ERF: variants seen among roughly 807,000 people sequenced by gnomAD.
ERF encodes ETS2 repressor factor.
ERF carries 10 observed loss-of-function variants against 41.6 expected under a neutral mutation model. That is an observed-to-expected ratio of 0.24 (90% CI 0.15 to 0.41). The LOEUF (loss-of-function observed/expected upper bound fraction) is 0.41, where lower values mean the gene tolerates loss of function less well. ERF is among the 10% of genes least tolerant of loss of function. ERF has a pLI of 1.00. For missense variants in ERF, 621 were observed against 763.2 expected (o/e 0.81, Z 2.19); for synonymous variants, 395 against 342.4 (o/e 1.15, Z -1.70).
intron 1 of ERF, chr19:42,254,659 C>G (rs996826487): frequency 7.8e-6 from 2 of 255,152 alleles, no homozygotes; most frequent in South Asian, 8.7e-5. Flanking sequence ...CAGAGTGCAA[C>G]GTGACAAGAG....
intron 1 of ERF, among the ~76,000 whole-genome samples, chr19:42,253,366 G>A (rs1438575936): frequency 6.6e-6 from 1 of 152,160 alleles, no homozygotes; most frequent in Non-Finnish European, 1.5e-5. Flanking sequence ...CCAGGAGGCA[G>A]ACGGGAAAGA....
chr19:42,253,857 C>T, intron 1 of ERF: 1 of 1,064,658 alleles, frequency 9.4e-7, no homozygotes, highest in Non-Finnish European at 1.1e-6. Context: ...CACAGGAGCC[C>T]GAGCCGCCGC....
At chr19:42,252,734 G>T (rs907924013) in intron 1 of ERF, among the ~76,000 whole-genome samples, 1 of 152,142 alleles carries the variant, frequency 6.6e-6, no homozygotes, top group Non-Finnish European at 1.5e-5. Flanking sequence ...CTTTGGGGGG[G>T]GGAGAATGAA....
At position 42,255,057 on chromosome 19, in the gene ERF, C is replaced by T; in HGVS notation, c.-58G>A. On this transcript the variant is annotated 5_prime_UTR_variant, in exon 1 of 4. Coordinates refer to ENST00000222329, the MANE Select transcript of ERF (RefSeq NM_006494.4). ...CGGGCCGCGGCTCCCGGCGCCCTCG[C>T]TGCCCCGTCCCGTCCCGCGCCCGTC... is the stretch of plus-strand genomic sequence containing the variant. 1 of 1,294,524 alleles carries T rather than the reference C, an allele frequency of 7.7e-7. No individual in the cohort carries two copies. Among genetic ancestry groups the T allele is most frequent in the Non-Finnish European group, 9.8e-7 (1 of 1,018,424 alleles). The allele number at this position is 1,294,524 out of a possible 1,614,324, so 80.2% of individuals were successfully genotyped here.
At chr19:42,254,801 G>A (rs901998594) in intron 1 of ERF, among the ~76,000 whole-genome samples, 177 bp downstream of exon 1, 2 of 152,188 alleles carry the variant, frequency 1.3e-5, no homozygotes, top group African/African-American at 2.4e-5. Context: ...GGAATCGGGG[G>A]TCCCAGGCAG....
At position 42,249,009 on chromosome 19, in the gene ERF, G is replaced by A; in HGVS notation, c.1103C>T (p.Ser368Phe). ...PPVPSSASSS[S>F]SSSSSPFKFK... ...CTTGAATGGGGAGGAAGAAGAAGAAGAGGATGACGAGGCCGAGGAGGGGAC... is the reference window on the plus strand; with the variant it reads ...CTTGAATGGGGAGGAAGAAGAAGAAAAGGATGACGAGGCCGAGGAGGGGAC... The change falls in exon 4 of 4, where the codon TCT (serine) becomes TTT (phenylalanine). Residue 368 changes from serine to phenylalanine, a missense_variant. Ser to Phe is a radical substitution (Grantham distance 155). Coordinates refer to ENST00000222329, the MANE Select transcript of ERF (RefSeq NM_006494.4). This position sits in a 1 kb window ranked among gnomAD's most constrained non-coding sequence, Gnocchi z 8.6. The A allele has an allele frequency of 6.2e-7, 1 of 1,609,942 alleles. No individual in the cohort carries two copies. Among genetic ancestry groups the A allele is most frequent in the East Asian group, 2.2e-5 (1 of 44,828 alleles).
In ERF at chr19:42,249,030, G is replaced by C; in HGVS notation, c.1082C>G (p.Pro361Arg). The stretch of plus-strand genomic sequence containing the variant: ...AGAAGAGGATGACGAGGCCGAGGAG[G>C]GGACCGGTGGGGTCTCGGGTGCCAT... Reference protein sequence around the residue: ...PPMAPETPPVPSSASSSSSSS... With the variant: ...PPMAPETPPVRSSASSSSSSS... The change falls in exon 4 of 4, where the codon CCC (proline) becomes CGC (arginine). Residue 361 changes from proline (P) to arginine (R), a missense_variant. Pro to Arg is a moderately radical substitution (Grantham distance 103, BLOSUM62 -2). Transcript: ENST00000222329. This position sits in a 1 kb window ranked among gnomAD's most constrained non-coding sequence, Gnocchi z 8.6. 1 of 1,611,296 alleles carries C rather than the reference G, an allele frequency of 6.2e-7. No homozygotes were observed. Among genetic ancestry groups the C allele is most frequent in the Non-Finnish European group, 8.5e-7 (1 of 1,178,610 alleles).
chr19:42,247,570 C>G lies in ERF; in HGVS notation c.*895G>C, dbSNP rs1370613745. 3.3e-5 allele frequency: 5 copies of G among 152,734 alleles called. No homozygotes were observed. Among genetic ancestry groups the G allele is most frequent in the African/African-American group, 1.2e-4 (5 of 41,452 alleles). The allele number at this position is 152,734 out of a possible 1,614,324, so 9.5% of individuals were successfully genotyped here. A position where few individuals can be genotyped will look rare whatever the true frequency, so the allele number is the denominator to read the frequency against. ...GCACCTAGGACATTGATCACTGCAT[C>G]CAAAGGTCCAAAGTTTTATTGTTTT... On this transcript the variant is annotated 3_prime_UTR_variant, in exon 4 of 4. Coordinates refer to ENST00000222329, the MANE Select transcript of ERF (RefSeq NM_006494.4).
intron 1 of ERF, chr19:42,253,772 A>C: frequency 5.0e-6 from 3 of 605,300 alleles, no homozygotes; most frequent in African/African-American, 2.4e-5. Context: ...GAGCAGGGGG[A>C]TGGGGATGGG....
intron 1 of ERF, among the ~76,000 whole-genome samples, chr19:42,252,959 G>C (rs917035437): frequency 6.6e-6 from 1 of 152,192 alleles, no homozygotes; most frequent in Non-Finnish European, 1.5e-5. Flanking sequence ...GGCACATGGA[G>C]AGAGGGGTTC....
chr19:42,251,642 G>T, intron 1 of ERF, among the ~76,000 whole-genome samples: 1 of 152,058 alleles, frequency 6.6e-6, no homozygotes, highest in East Asian at 1.9e-4. Flanking sequence ...AAAGATGGGC[G>T]GCTCCCAAAT....
chr19:42,254,070 G>A (rs1369433595), intron 1 of ERF, among the ~76,000 whole-genome samples: 1 of 150,150 alleles, frequency 6.7e-6, no homozygotes, highest in East Asian at 2.0e-4. Context: ...AGGGGGAAAA[G>A]TCCGAGTGGG....
chr19:42,254,907 C>T (rs563628338), intron 1 of ERF, 71 bp downstream of exon 1: 6 of 1,480,666 alleles, frequency 4.1e-6, no homozygotes, highest in Middle Eastern at 1.8e-4. Context: ...CCCCTTCAGC[C>T]CCCCCAAAGT....
chr19:42,249,323 C>A lies in ERF; in HGVS notation c.789G>T (p.Gln263His). 6.3e-7 allele frequency: 1 copy of A among 1,589,176 alleles called. No individual in the cohort carries two copies. The highest frequency in any genetic ancestry group is 8.6e-7 in the Non-Finnish European group (1 of 1,167,976). Residue 263 changes from glutamine to histidine, a missense_variant, in exon 4 of 4, where the codon CAG (glutamine) becomes CAT (histidine). Transcript: ENST00000222329. This position sits in a 1 kb window ranked among gnomAD's most constrained non-coding sequence, Gnocchi z 8.6. ...LAGPGSLLPPQLSPALPMTPT... is the reference protein window; with the variant it reads ...LAGPGSLLPPHLSPALPMTPT... ...GCGTCATGGGCAGAGCCGGGGAGAG[C>A]TGAGGGGGCAGCAGGGATCCAGGAC...
intron 1 of ERF, chr19:42,251,117 G>C: frequency 1.5e-6 from 1 of 665,474 alleles, no homozygotes; most frequent in Non-Finnish European, 1.9e-6. Flanking sequence ...GGGGTGACTC[G>C]GTTGCCGATG....
chr19:42,249,228 C>A lies in ERF; in HGVS notation c.884G>T (p.Ser295Ile), dbSNP rs779675809. The A allele has an allele frequency of 1.9e-6, 3 of 1,613,024 alleles. No individual in the cohort carries two copies. The African/African-American group carries it at 4.0e-5, about 22-fold the overall frequency. The change falls in exon 4 of 4, where the codon AGC becomes ATC. Residue 295 changes from serine (S) to isoleucine (I), a missense_variant. Transcript: ENST00000222329. The surrounding 1 kb of genome is among the most constrained non-coding windows in gnomAD (Gnocchi z 8.6). ...GAAGTGGGAGCCTCCCCCTGAGCCG[C>A]TGGGCCCCCCGCCACCACTGGGGTA... ...PMYPSGGGGP[S>I]GSGGGSHFSF...
Position 42,250,712 on chromosome 19 carries a change from C to T in ERF, c.23-147G>A, listed in dbSNP as rs745691818. 2 of 789,070 alleles carry T rather than the reference C, an allele frequency of 2.5e-6. No individual in the cohort carries two copies. The highest frequency in any genetic ancestry group is 4.0e-6 in the Non-Finnish European group (2 of 498,538). 48.9% of individuals were successfully genotyped at this position (789,070 alleles called of 1,614,324 possible). On this transcript the variant is annotated intron_variant, in intron 1 of 3. Coordinates refer to ENST00000222329, the MANE Select transcript of ERF (RefSeq NM_006494.4). This position sits in a 1 kb window ranked among gnomAD's most constrained non-coding sequence, Gnocchi z 5.1. ...AGTCAAGATCTGATTTAAGAGAAGACAGTGCGTGTCTGTCTGTCTGCATGT... is the reference window on the plus strand; with the variant it reads ...AGTCAAGATCTGATTTAAGAGAAGATAGTGCGTGTCTGTCTGTCTGCATGT...
Position 42,249,022 on chromosome 19 carries a change from C to T in ERF, c.1090G>A (p.Ala364Thr), listed in dbSNP as rs1249674965. 1.2e-6 allele frequency: 2 copies of T among 1,610,822 alleles called. No individual in the cohort carries two copies. The highest frequency in any genetic ancestry group is 2.2e-5 in the South Asian group (2 of 91,012). ...GAAGAAGAAGAAGAGGATGACGAGGCCGAGGAGGGGACCGGTGGGGTCTCG... is the reference window on the plus strand; with the variant it reads ...GAAGAAGAAGAAGAGGATGACGAGGTCGAGGAGGGGACCGGTGGGGTCTCG... ...APETPPVPSS[A>T]SSSSSSSSSP... Residue 364 changes from alanine (A) to threonine (T), a missense_variant, in exon 4 of 4, where the codon GCC becomes ACC. This residue lies in a region of ERF where 569 missense variants were observed against 625.5 expected (regional missense o/e 0.91). Coordinates refer to ENST00000222329, the MANE Select transcript of ERF (RefSeq NM_006494.4). This position sits in a 1 kb window ranked among gnomAD's most constrained non-coding sequence, Gnocchi z 8.6.
intron 1 of ERF, among the ~76,000 whole-genome samples, chr19:42,252,825 C>A (rs2036466574): frequency 6.6e-6 from 1 of 152,142 alleles, no homozygotes; most frequent in Non-Finnish European, 1.5e-5. Context: ...GCAAGGGGAG[C>A]ATGTGTGAGT....
Sources: allele counts gnomAD v4.1 joint callset (sites outside exome capture counted in the v4.1 genomes callset), GRCh38; gene constraint gnomAD v4.1.1; regional missense constraint gnomAD v4.1.1; non-coding constraint Gnocchi (gnomAD v3.1); transcripts MANE v1.5; gene names NCBI Gene and HGNC (gene_info 2026-07-23, HGNC 2026-07-21).